F13A1: variants seen among roughly 807,000 people sequenced by gnomAD.
The protein encoded by F13A1 is coagulation factor XIII A chain, also known as FSF, A subunit.
F13A1 carries 47 observed loss-of-function variants against 80.1 expected under a neutral mutation model. The ratio of observed to expected loss-of-function variants is 0.59; its 90% CI spans 0.46 to 0.75. F13A1 has a LOEUF of 0.75. F13A1 is among the 30% of genes least tolerant of loss of function. The pLI, the probability that F13A1 is intolerant of heterozygous loss-of-function variation, is 0.00. For synonymous variants in F13A1, 349 were observed against 344.9 expected (o/e 1.01, Z -0.13); for missense variants, 817 against 930.4 (o/e 0.88, Z 1.59).
intron 8 of F13A1, among the ~76,000 whole-genome samples, chr6:6,214,285 C>T (rs1761678833): frequency 6.6e-6 from 1 of 151,864 alleles, no homozygotes; most frequent in Admixed American, 6.6e-5. Flanking sequence ...GGAAGAAAAG[C>T]CCTCCTCAGC....
chr6:6,227,504 G>T (rs1362888445), intron 6 of F13A1, among the ~76,000 whole-genome samples: 1 of 152,228 alleles, frequency 6.6e-6, no homozygotes, highest in East Asian at 1.9e-4. Context: ...CTATATTAAA[G>T]ATCAGTACTT....
intron 3 of F13A1, among the ~76,000 whole-genome samples, chr6:6,283,757 G>A (rs1758098553): frequency 6.6e-6 from 1 of 151,908 alleles, no homozygotes; most frequent in Admixed American, 6.6e-5. Flanking sequence ...CACCAATCTT[G>A]ATTCTTCAAA....
intron 2 of F13A1, among the ~76,000 whole-genome samples, chr6:6,317,267 C>T (rs1327088037): frequency 6.6e-6 from 1 of 152,200 alleles, no homozygotes; most frequent in African/African-American, 2.4e-5. Flanking sequence ...TATTTCCTAA[C>T]ATATAACATG....
intron 6 of F13A1, among the ~76,000 whole-genome samples, chr6:6,236,417 A>G (rs112767961): frequency 3.9e-5 from 6 of 152,262 alleles, no homozygotes; most frequent in East Asian, 3.9e-4. Context: ...AAGAATAGAA[A>G]TAGCCCTAAA....
At chr6:6,163,248 A>G (rs1038385367) in intron 13 of F13A1, among the ~76,000 whole-genome samples, 11 of 152,232 alleles carry the variant, frequency 7.2e-5, no homozygotes, top group Non-Finnish European at 1.2e-4. Context: ...GAATTTAGAG[A>G]AACATATCCT....
At chr6:6,233,462 T>G (rs1037854547) in intron 6 of F13A1, among the ~76,000 whole-genome samples, 1 of 151,960 alleles carries the variant, frequency 6.6e-6, no homozygotes, top group Non-Finnish European at 1.5e-5. Flanking sequence ...ATTAAAAACT[T>G]ATCAACAAAA....
At chr6:6,214,731 G>A (rs1199278302) in intron 8 of F13A1, among the ~76,000 whole-genome samples, 197 of 62,846 alleles carry the variant, frequency 3.1e-3, no homozygotes, top group Non-Finnish European at 3.9e-3. Context: ...AAAAATTAAT[G>A]AATCCAGGAG....
chr6:6,315,692 T>C (rs150688527), intron 2 of F13A1, among the ~76,000 whole-genome samples: 5 of 152,220 alleles, frequency 3.3e-5, no homozygotes, highest in African/African-American at 1.2e-4. Context: ...TTCTTGCCTC[T>C]CTGCATTTCT....
chr6:6,157,144 C>G (rs1206839688), intron 13 of F13A1, among the ~76,000 whole-genome samples: 1 of 152,198 alleles, frequency 6.6e-6, no homozygotes, highest in Non-Finnish European at 1.5e-5. Context: ...TAACAAGTAA[C>G]TTACATTTAT....
intron 3 of F13A1, among the ~76,000 whole-genome samples, chr6:6,283,507 T>A (rs1202964256): frequency 6.6e-6 from 1 of 152,226 alleles, no homozygotes; most frequent in East Asian, 1.9e-4. Flanking sequence ...AGACATCAGA[T>A]TGACAACTCT....
intron 5 of F13A1, 21 bp from the exon 6 acceptor site, chr6:6,248,440 A>G (rs776978748): frequency 9.4e-6 from 15 of 1,595,434 alleles, no homozygotes; most frequent in Non-Finnish European, 1.3e-5. Flanking sequence ...AAAGAAAAAC[A>G]AAGAGAAACT....
At chr6:6,319,229 C>T (rs1758733874) in intron 1 of F13A1, among the ~76,000 whole-genome samples, 1 of 152,134 alleles carries the variant, frequency 6.6e-6, no homozygotes, top group South Asian at 2.1e-4. Context: ...TGGGATACAT[C>T]AGAGAACAAA....
At chr6:6,275,159 G>T (rs781470548) in intron 3 of F13A1, among the ~76,000 whole-genome samples, 12 of 151,994 alleles carry the variant, frequency 7.9e-5, no homozygotes, top group Non-Finnish European at 1.3e-4. Flanking sequence ...GTGCTGAAGT[G>T]CTCAAGGGAG....
chr6:6,307,281 G>A (rs1383680298), intron 2 of F13A1, among the ~76,000 whole-genome samples: 1 of 152,164 alleles, frequency 6.6e-6, no homozygotes, highest in African/African-American at 2.4e-5. Flanking sequence ...GCAGGATGCA[G>A]TTTTATTTTT....
At chr6:6,247,579 T>G (rs1161625386) in intron 6 of F13A1, among the ~76,000 whole-genome samples, 2 of 152,168 alleles carry the variant, frequency 1.3e-5, no homozygotes, top group African/African-American at 4.8e-5. Flanking sequence ...TCATGGGAGT[T>G]CTATCTCCTT....
rs998727167 is a variant in F13A1, at chr6:6,250,690, A to G, written c.690+121T>C. On this transcript the variant is annotated intron_variant, in intron 5 of 14. Coordinates refer to ENST00000264870, the MANE Select transcript of F13A1 (RefSeq NM_000129.4). The surrounding 1 kb of genome is among the most constrained non-coding windows in gnomAD (Gnocchi z 4.2). ...TATGCTCTCTGCCTTGGAGTCTCAG[A>G]TCCTAAAAAGCAGGAAATTGTGCTT... 5.4e-6 allele frequency: 4 copies of G among 738,786 alleles called. No homozygotes were observed. Among genetic ancestry groups the G allele is most frequent in the African/African-American group, 5.2e-5 (3 of 57,558 alleles). 45.8% of individuals were successfully genotyped at this position (738,786 alleles called of 1,614,324 possible).
At position 6,145,569 on chromosome 6, in the gene F13A1, C is replaced by T. The variant is rs1359257540; in HGVS notation, c.*50G>A. On this transcript the variant is annotated 3_prime_UTR_variant, in exon 15 of 15. Coordinates refer to ENST00000264870, the MANE Select transcript of F13A1 (RefSeq NM_000129.4). ...ATTTTTGCGTTAGAATTTCCTTAGC[C>T]AAGACTACAAGAGGCCAAATGCCAG... 6.2e-7 allele frequency: 1 copy of T among 1,613,508 alleles called. No homozygotes were observed. The highest frequency in any genetic ancestry group is 1.7e-5 in the Admixed American group (1 of 60,020).
chr6:6,195,382 G>A (rs1761271416), intron 10 of F13A1, among the ~76,000 whole-genome samples: 1 of 152,178 alleles, frequency 6.6e-6, no homozygotes, highest in Admixed American at 6.5e-5. Flanking sequence ...TTGGGTGTGT[G>A]TATGTGGATT....
At chr6:6,238,742 A>C (rs949022533) in intron 6 of F13A1, among the ~76,000 whole-genome samples, 31 of 148,518 alleles carry the variant, frequency 2.1e-4, no homozygotes, top group Admixed American at 1.4e-3. Flanking sequence ...ATAGCCAATA[A>C]ATGTATTAAA....
Sources: gnomAD v4.1 joint callset for allele counts (sites outside exome capture counted in the v4.1 genomes callset) on GRCh38, gnomAD v4.1.1 for gene constraint, Gnocchi (gnomAD v3.1) non-coding constraint, MANE v1.5 for transcripts, NCBI Gene and HGNC (gene_info 2026-07-23, HGNC 2026-07-21) for gene names.